Variants in C1orf94 observed in about 807,000 individuals in gnomAD.
C1orf94 encodes the protein uncharacterized protein C1orf94.
C1orf94 carries 45 observed loss-of-function variants against 53.6 expected under a neutral mutation model. That is an observed-to-expected ratio of 0.84 (90% CI 0.66 to 1.08). C1orf94 has a LOEUF of 1.08. Ranked by LOEUF, C1orf94 falls within the 50% of genes least tolerant of loss-of-function variation. The pLI is 0.00. For synonymous variants in C1orf94, 304 were observed against 296.1 expected, an observed-to-expected ratio of 1.03 and a Z score of -0.27; for missense variants, 762 against 738.9, an observed-to-expected ratio of 1.03 and a Z score of -0.36.
chr1:34,209,550 C>T (rs1297773994), intron 5 of C1orf94, among the ~76,000 whole-genome samples: 1 of 152,180 alleles, frequency 6.6e-6, no homozygotes, highest in Non-Finnish European at 1.5e-5. Context: ...TGGACACCCC[C>T]ACACTCCAAC....
chr1:34,215,466 A>C (rs533355124), intron 6 of C1orf94, among the ~76,000 whole-genome samples: 1 of 152,320 alleles, frequency 6.6e-6, no homozygotes, highest in East Asian at 1.9e-4. Flanking sequence ...AGAATGGACT[A>C]TGAGGGTAAG....
chr1:34,197,524 T>A lies in C1orf94; in HGVS notation c.620T>A (p.Val207Asp), dbSNP rs1642609872. Residue 207 changes from valine to aspartate, a missense_variant, in exon 2 of 7, where the codon GTC becomes GAC. Physicochemically the swap from Val to Asp is radical, Grantham distance 152. Transcript: ENST00000488417. This position sits in a 1 kb window ranked among gnomAD's most constrained non-coding sequence, Gnocchi z 4.1. ...GACTGTGATTCTGCCACTTCTACTG[T>A]CACAGACATTCTGTGTGCCGCCGAG... The part of the protein sequence containing the change: ...RQDCDSATST[V>D]TDILCAAEVK... 4 of 1,614,086 alleles carry A rather than the reference T, an allele frequency of 2.5e-6. No homozygotes were observed. The African/African-American group carries it at 4.0e-5, about 16-fold the overall frequency.
At chr1:34,207,389 A>G (rs1642817756) in intron 4 of C1orf94, among the ~76,000 whole-genome samples, 1 of 152,106 alleles carries the variant, frequency 6.6e-6, no homozygotes, top group Non-Finnish European at 1.5e-5. Context: ...AACTGCCAGA[A>G]AGCTGTTTAA....
intron 5 of C1orf94, among the ~76,000 whole-genome samples, chr1:34,211,483 C>T (rs1405811940): frequency 2.0e-5 from 3 of 152,096 alleles, no homozygotes; most frequent in African/African-American, 7.2e-5. Flanking sequence ...CCTGTATTTC[C>T]CTAGAGTTTG....
Position 34,204,216 on chromosome 1 carries a change from A to G in C1orf94, c.1446+1957A>G, listed in dbSNP as rs1048294758. On this transcript the variant is annotated intron_variant, in intron 4 of 6. Coordinates refer to ENST00000488417, the MANE Select transcript of C1orf94 (RefSeq NM_001134734.2). ...CACAAACCTTATGTCCTATTGGGAA[A>G]GGGGATTGGCTCTTCTGCATATAAA... Among the ~76,000 whole-genome samples, 11 of 152,336 alleles carry G rather than the reference A, an allele frequency of 7.2e-5. No individual in the cohort carries two copies. In the South Asian group the frequency reaches 1.5e-3, roughly 20 times the overall value.
chr1:34,213,602 G>A (rs369069849), intron 6 of C1orf94, among the ~76,000 whole-genome samples: 6 of 151,946 alleles, frequency 3.9e-5, no homozygotes, highest in Non-Finnish European at 4.4e-5. Context: ...GTGCAATGGC[G>A]TGATCTCGGC....
chr1:34,189,240 T>G (rs1429848619), intron 1 of C1orf94, among the ~76,000 whole-genome samples: 1 of 152,008 alleles, frequency 6.6e-6, no homozygotes, highest in East Asian at 1.9e-4. Flanking sequence ...GGCTGTGGTA[T>G]GTGGGCATGG....
At chr1:34,203,352 C>T (rs1216786268) in intron 4 of C1orf94, among the ~76,000 whole-genome samples, 1 of 152,172 alleles carries the variant, frequency 6.6e-6, no homozygotes, top group Non-Finnish European at 1.5e-5. Flanking sequence ...GTCTTGAACT[C>T]CCCGCCTCAT....
chr1:34,214,009 AT>A (rs1270116668), intron 6 of C1orf94, among the ~76,000 whole-genome samples: 58 of 152,112 alleles, frequency 3.8e-4, no homozygotes, highest in African/African-American at 1.4e-3. Flanking sequence ...CATGTAGTTA[AT>A]TTGAATTTAG....
In C1orf94 at chr1:34,177,810, T is replaced by C. The variant is rs1642252224; in HGVS notation, c.21T>C (p.Cys7=). ...GGTGAATGAGGGGTGGTGGTGGTTG[T>C]GTTCTAGCCCTGGGTGGACAGAGGG... is the stretch of plus-strand genomic sequence containing the variant. MRGGGG[C]VLALGGQRGF... Residue 7 remains cysteine (C), a synonymous_variant, in exon 1 of 7, where the codon TGT becomes TGC. Coordinates refer to ENST00000488417, the MANE Select transcript of C1orf94 (RefSeq NM_001134734.2). 7.1e-6 allele frequency: 11 copies of C among 1,539,286 alleles called. No homozygotes were observed. In the African/African-American group the frequency reaches 8.2e-5, roughly 12 times the overall value.
In C1orf94 at chr1:34,202,135, A is replaced by T. The variant is rs139397885; in HGVS notation, c.1322A>T (p.Asn441Ile). 3.5e-3 allele frequency: 5,701 copies of T among 1,614,108 alleles called. 15 individuals carry two copies. The highest frequency in any genetic ancestry group is 4.1e-3 in the Non-Finnish European group (4,789 of 1,180,004). The change falls in exon 4 of 7, where the codon AAT becomes ATT. Residue 441 changes from asparagine (N) to isoleucine (I), a missense_variant. Asn to Ile is a moderately radical substitution (Grantham distance 149). Transcript: ENST00000488417. ...ADKNNPKYTG[N>I]VFTPHFPTAM... ...AAGAACAACCCGAAGTACACAGGGA[A>T]TGTTTTCACTCCACACTTTCCTACA...
intron 1 of C1orf94, among the ~76,000 whole-genome samples, chr1:34,191,850 G>T (rs1198563784): frequency 6.6e-6 from 1 of 152,256 alleles, no homozygotes; most frequent in Non-Finnish European, 1.5e-5. Context: ...TTCTGAGAAG[G>T]GGTGCCAACC....
chr1:34,185,192 A>G (rs1642367506), intron 1 of C1orf94, among the ~76,000 whole-genome samples: 1 of 151,654 alleles, frequency 6.6e-6, no homozygotes, highest in Admixed American at 6.6e-5. Flanking sequence ...ATTTATTTTT[A>G]TTTTTTAGAT....
At chr1:34,212,843 G>A (rs1321623521) in intron 6 of C1orf94, among the ~76,000 whole-genome samples, 1 of 152,072 alleles carries the variant, frequency 6.6e-6, no homozygotes, top group Non-Finnish European at 1.5e-5. Flanking sequence ...CATTGACTTT[G>A]TGATGGGCCC....
upstream of C1orf94, among the ~76,000 whole-genome samples, chr1:34,176,857 C>A (rs1642233065): frequency 6.6e-6 from 1 of 151,920 alleles, no homozygotes; most frequent in South Asian, 2.1e-4. Context: ...TTGGGCCCCA[C>A]CCCCACCCAC....
chr1:34,179,025 A>G (rs1049639569), intron 1 of C1orf94, among the ~76,000 whole-genome samples: 1 of 152,260 alleles, frequency 6.6e-6, no homozygotes, highest in Non-Finnish European at 1.5e-5. Context: ...CTGCTCCAAC[A>G]CATGCTACAG....
chr1:34,218,698 A>G lies in C1orf94; in HGVS notation c.1734A>G (p.Thr578=). Residue 578 remains threonine (T), a synonymous_variant, in exon 7 of 7, where the codon ACA becomes ACG. Coordinates refer to ENST00000488417, the MANE Select transcript of C1orf94 (RefSeq NM_001134734.2). ...LFPQGYGFGS[T]SGGPLMHSPY... is the part of the protein sequence containing the mutation. Reference sequence around the variant, plus strand: ...CCCTCTCTTCCAGGTTCGGCTCGACATCCGGAGGGCCCTTGATGCACAGCC... The same window carrying G: ...CCCTCTCTTCCAGGTTCGGCTCGACGTCCGGAGGGCCCTTGATGCACAGCC... The G allele has an allele frequency of 1.2e-6, 2 of 1,612,242 alleles. No individual in the cohort carries two copies. The highest frequency in any genetic ancestry group is 1.3e-5 in the African/African-American group (1 of 74,996).
At position 34,189,195 on chromosome 1, in the gene C1orf94, GTGTT is replaced by G. The variant is rs200399372; in HGVS notation, c.321-8026_321-8023del. 8.3e-3 allele frequency among the ~76,000 whole-genome samples: 1,265 copies of G among 152,160 alleles called. 16 individuals are homozygous for G. The highest frequency in any genetic ancestry group is 0.029 in the African/African-American group (1,186 of 41,480). ...TGTGTATGTATGTGTGTGCACATGG[GTGTT>G]TGTACATGGCTGTGGTATATTTGTG... On this transcript the variant is annotated intron_variant, in intron 1 of 6. Coordinates refer to ENST00000488417, the MANE Select transcript of C1orf94 (RefSeq NM_001134734.2).
In C1orf94 at chr1:34,177,099, G is replaced by C. The variant is rs952879098; in HGVS notation, c.-691G>C. 4.6e-5 allele frequency among the ~76,000 whole-genome samples: 7 copies of C among 152,250 alleles called. No homozygotes were observed. Among genetic ancestry groups the C allele is most frequent in the Non-Finnish European group, 8.8e-5 (6 of 68,034 alleles). On this transcript the variant is annotated 5_prime_UTR_variant, in exon 1 of 7. Transcript: ENST00000488417. ...GCAGCGCGGCGCGGCTGGGGCAGGG[G>C]TCTGCTGGGGGCCGGGGACTAAGGG...
Sources: allele counts gnomAD v4.1 joint callset (sites outside exome capture counted in the v4.1 genomes callset), GRCh38; gene constraint gnomAD v4.1.1; non-coding constraint Gnocchi (gnomAD v3.1); transcripts MANE v1.5; gene names NCBI Gene and HGNC (gene_info 2026-07-23, HGNC 2026-07-21).